Variants in MB21D2 observed in about 807,000 individuals in gnomAD.
MB21D2 encodes the protein nucleotidyltransferase MB21D2.
A neutral mutation model predicts 33.3 loss-of-function variants in MB21D2; 9 were observed. The ratio of observed to expected loss-of-function variants is 0.27; its 90% CI spans 0.16 to 0.47. The LOEUF is 0.47. Among genes scored for constraint, MB21D2 ranks in the 20% least tolerant of loss-of-function variants. The probability of loss-of-function intolerance (pLI) is 0.99; values close to 1 mark genes in which losing one functional copy is unlikely to be tolerated. For missense variants in MB21D2, 540 were observed against 624.6 expected, an observed-to-expected ratio of 0.86 and a Z score of 1.44; for synonymous variants, 241 against 236.3, an observed-to-expected ratio of 1.02 and a Z score of -0.18.
intron 1 of MB21D2, among the ~76,000 whole-genome samples, chr3:192,905,902 G>A (rs1714206758): frequency 6.6e-6 from 1 of 152,138 alleles, no homozygotes; most frequent in African/African-American, 2.4e-5. Flanking sequence ...AGTTTCAAAG[G>A]ATTTGAGTTT....
chr3:192,901,029 G>T (rs1278367088), intron 1 of MB21D2, among the ~76,000 whole-genome samples: 10 of 152,078 alleles, frequency 6.6e-5, no homozygotes, highest in Non-Finnish European at 8.8e-5. Flanking sequence ...CTTCAGGAAG[G>T]AAACAGTACT....
rs532999415 is a variant in MB21D2, at chr3:192,836,106, G to C, written c.212-36456C>G. On this transcript the variant is annotated intron_variant, in intron 1 of 1. Coordinates refer to ENST00000392452, the MANE Select transcript of MB21D2 (RefSeq NM_178496.4). Reference sequence around the variant, plus strand: ...TTATAAATCAAGAGATCTAATTATAGACATAGCTGTATCCCTCCCTGGACC... The same window carrying C: ...TTATAAATCAAGAGATCTAATTATACACATAGCTGTATCCCTCCCTGGACC... Among the ~76,000 whole-genome samples the C allele has an allele frequency of 7.7e-4, 118 of 152,314 alleles. No individual in the cohort carries two copies. In the South Asian group the frequency reaches 8.7e-3, roughly 11 times the overall value.
intron 1 of MB21D2, among the ~76,000 whole-genome samples, chr3:192,853,379 G>A (rs35084850): frequency 0.094 from 14,237 of 152,194 alleles, 709 homozygotes; most frequent in Middle Eastern, 0.13. Context: ...TTTAATAGAA[G>A]GTAACTTTTA....
intron 1 of MB21D2, among the ~76,000 whole-genome samples, chr3:192,816,611 T>A (rs1307317030): frequency 6.6e-6 from 1 of 152,212 alleles, no homozygotes; most frequent in Non-Finnish European, 1.5e-5. Flanking sequence ...TTCTTGCCGG[T>A]GAATTTCAAA....
At chr3:192,824,799 A>T (rs1280429091) in intron 1 of MB21D2, among the ~76,000 whole-genome samples, 1 of 152,114 alleles carries the variant, frequency 6.6e-6, no homozygotes, top group Non-Finnish European at 1.5e-5. Context: ...ATTTATTTCC[A>T]CTTCATGTTC....
At chr3:192,849,892 A>G (rs549730523) in intron 1 of MB21D2, among the ~76,000 whole-genome samples, 1 of 151,946 alleles carries the variant, frequency 6.6e-6, no homozygotes, top group African/African-American at 2.4e-5. Context: ...ATAAACTGTC[A>G]GAGACAGAAA....
At chr3:192,878,716 C>G (rs994413530) in intron 1 of MB21D2, among the ~76,000 whole-genome samples, 2 of 152,182 alleles carry the variant, frequency 1.3e-5, no homozygotes, top group Non-Finnish European at 2.9e-5. Flanking sequence ...ATAATCCCAG[C>G]ACTTTGGGAG....
At chr3:192,808,645 G>A (rs909122728) in intron 1 of MB21D2, among the ~76,000 whole-genome samples, 11 of 152,176 alleles carry the variant, frequency 7.2e-5, no homozygotes, top group African/African-American at 2.7e-4. Flanking sequence ...GATGTCTTCC[G>A]AGGTGGCTGC....
In MB21D2 at chr3:192,917,682, G is replaced by A. The variant is rs1334193574; in HGVS notation, c.159C>T (p.Asp53=). The change falls in exon 1 of 2, where the codon GAC becomes GAT. Residue 53 remains aspartate, a synonymous_variant. Transcript: ENST00000392452. ...FTKHDQREYD[D]QRALEIHTAK... ...CTGTGTGAATCTCCAGCGCTCTCTG[G>A]TCGTCGTATTCCCGCTGGTCGTGCT... 1.9e-6 allele frequency: 3 copies of A among 1,614,144 alleles called. No homozygotes were observed. The highest frequency in any genetic ancestry group is 8.5e-7 in the Non-Finnish European group (1 of 1,180,018).
intron 1 of MB21D2, among the ~76,000 whole-genome samples, chr3:192,807,305 T>A (rs1346719945): frequency 6.7e-6 from 1 of 149,254 alleles, no homozygotes; most frequent in Non-Finnish European, 1.5e-5. Context: ...AGGACAGTGT[T>A]CACTTCTGAA....
chr3:192,907,419 C>T (rs1714237276), intron 1 of MB21D2, among the ~76,000 whole-genome samples: 1 of 152,146 alleles, frequency 6.6e-6, no homozygotes, highest in Admixed American at 6.5e-5. Flanking sequence ...GAATCAACCC[C>T]CTCAACCCAA....
intron 1 of MB21D2, among the ~76,000 whole-genome samples, chr3:192,896,689 G>A (rs1163280314): frequency 6.6e-6 from 1 of 152,190 alleles, no homozygotes; most frequent in East Asian, 1.9e-4. Context: ...TACTGGCCCA[G>A]TATCTTGTTA....
At chr3:192,908,423 G>A (rs1173080006) in intron 1 of MB21D2, among the ~76,000 whole-genome samples, 2 of 145,802 alleles carry the variant, frequency 1.4e-5, no homozygotes, top group Non-Finnish European at 3.0e-5. Context: ...TTTTGAGACA[G>A]AGTCTCCCTC....
At chr3:192,841,599 C>T (rs1471406101) in intron 1 of MB21D2, among the ~76,000 whole-genome samples, 1 of 152,236 alleles carries the variant, frequency 6.6e-6, no homozygotes, top group Non-Finnish European at 1.5e-5. Context: ...GTCAAGTGTT[C>T]CAAAGGCTGC....
chr3:192,824,385 T>C (rs1008604232), intron 1 of MB21D2, among the ~76,000 whole-genome samples: 11 of 152,146 alleles, frequency 7.2e-5, no homozygotes, highest in African/African-American at 2.4e-4. Flanking sequence ...TGATGGATTA[T>C]GAGAGGAAGC....
chr3:192,892,864 T>C (rs747176997), intron 1 of MB21D2, among the ~76,000 whole-genome samples: 3 of 152,194 alleles, frequency 2.0e-5, no homozygotes, highest in South Asian at 2.1e-4. Flanking sequence ...ACAAAGGGCA[T>C]AGAATTATGT....
At chr3:192,874,692 A>G (rs1476069340) in intron 1 of MB21D2, among the ~76,000 whole-genome samples, 2 of 152,168 alleles carry the variant, frequency 1.3e-5, no homozygotes, top group African/African-American at 4.8e-5. Flanking sequence ...TATGGACTGC[A>G]TGGAGACTCT....
intron 1 of MB21D2, among the ~76,000 whole-genome samples, chr3:192,896,943 G>A (rs998680027): frequency 2.6e-5 from 4 of 152,140 alleles, no homozygotes; most frequent in South Asian, 2.1e-4. Context: ...AACGGCAGGC[G>A]AGAAAGTGAG....
At chr3:192,819,149 C>T (rs1157959054) in intron 1 of MB21D2, among the ~76,000 whole-genome samples, 3 of 152,020 alleles carry the variant, frequency 2.0e-5, no homozygotes, top group Non-Finnish European at 2.9e-5. Context: ...AGAGGCCATC[C>T]GGGGGCAAAA....
Sources: allele counts gnomAD v4.1 joint callset (sites outside exome capture counted in the v4.1 genomes callset), GRCh38; gene constraint gnomAD v4.1.1; transcripts MANE v1.5; gene names NCBI Gene and HGNC (gene_info 2026-07-23, HGNC 2026-07-21).